POC1A: variants seen among roughly 807,000 people sequenced by gnomAD.
POC1A encodes POC1 centriolar protein homolog A.
In POC1A, 34 loss-of-function variants were observed where a neutral mutation model predicts 47.8. The ratio of observed to expected loss-of-function variants is 0.71; its 90% CI spans 0.54 to 0.95. The LOEUF (loss-of-function observed/expected upper bound fraction) is 0.95. POC1A is among the 40% of genes least tolerant of loss of function. POC1A has a pLI of 0.00. For missense variants in POC1A, 466 were observed against 528.3 expected (o/e 0.88, Z 1.16); for synonymous variants, 177 against 207.6 (o/e 0.85, Z 1.27).
At chr3:52,101,012 A>C (rs1702982420) in intron 9 of POC1A, among the ~76,000 whole-genome samples, 1 of 150,756 alleles carries the variant, frequency 6.6e-6, no homozygotes, top group African/African-American at 2.5e-5. Context: ...AGAATGTCTC[A>C]CTTTTGAGAC....
At chr3:52,106,204 A>G (rs1404282338) in intron 9 of POC1A, among the ~76,000 whole-genome samples, 5 of 146,362 alleles carry the variant, frequency 3.4e-5, no homozygotes, top group Non-Finnish European at 7.6e-5. Context: ...AAAAAAAAAG[A>G]AAGTTCAGAG....
intron 9 of POC1A, among the ~76,000 whole-genome samples, chr3:52,098,231 G>A (rs1364544583): frequency 2.6e-5 from 4 of 152,168 alleles, no homozygotes. Context: ...CCCTAGCAGT[G>A]CAGACACACA....
At chr3:52,094,487 A>G (rs1337073705) in intron 10 of POC1A, among the ~76,000 whole-genome samples, 41 of 152,264 alleles carry the variant, frequency 2.7e-4, no homozygotes, top group Admixed American at 2.7e-3. Context: ...GGAACATCTC[A>G]GCTAGAGAAA....
chr3:52,106,233 C>T (rs1703180915), intron 9 of POC1A, among the ~76,000 whole-genome samples: 1 of 150,812 alleles, frequency 6.6e-6, no homozygotes. Context: ...CCTGGAGGTC[C>T]ACAGTCCACA....
chr3:52,146,946 G>A (rs1698383906), intron 5 of POC1A, 42 bp downstream of exon 5: 1 of 1,518,980 alleles, frequency 6.6e-7, no homozygotes, highest in Admixed American at 1.7e-5. Flanking sequence ...TGTGCTCTGT[G>A]CTTGAGCGCC....
intron 10 of POC1A, among the ~76,000 whole-genome samples, chr3:52,096,297 T>C (rs1266160753): frequency 2.6e-5 from 4 of 152,188 alleles, no homozygotes; most frequent in Non-Finnish European, 5.9e-5. Flanking sequence ...CTTTCAAAGC[T>C]CTTCAGTGGC....
chr3:52,095,138 G>A (rs1366236373), intron 10 of POC1A, among the ~76,000 whole-genome samples: 1 of 152,200 alleles, frequency 6.6e-6, no homozygotes, highest in African/African-American at 2.4e-5. Flanking sequence ...GCGAGGCTGT[G>A]AAAAACATGA....
intron 9 of POC1A, among the ~76,000 whole-genome samples, chr3:52,113,697 G>A (rs768260767): frequency 6.6e-6 from 1 of 152,124 alleles, no homozygotes; most frequent in East Asian, 1.9e-4. Flanking sequence ...GAGAGACTCC[G>A]TCTCAAAAAA....
intron 7 of POC1A, among the ~76,000 whole-genome samples, chr3:52,129,602 C>A (rs1056460265): frequency 1.3e-5 from 2 of 152,232 alleles, no homozygotes; most frequent in African/African-American, 2.4e-5. Flanking sequence ...GAGGTACCCA[C>A]CTGTGGGAAG....
intron 10 of POC1A, among the ~76,000 whole-genome samples, chr3:52,078,125 C>T (rs1320203970): frequency 8.5e-5 from 13 of 152,146 alleles, no homozygotes; most frequent in Admixed American, 8.5e-4. Context: ...GGCAGTTTCT[C>T]CCCCTCCAGC....
chr3:52,150,026 C>T (rs749273347), intron 2 of POC1A, 39 bp from the exon 3 acceptor site: 12 of 1,573,498 alleles, frequency 7.6e-6, no homozygotes, highest in Non-Finnish European at 1.0e-5. Flanking sequence ...ACAGCTCTAA[C>T]AGGCTTCAAG....
chr3:52,094,547 A>G (rs1702745826), intron 10 of POC1A, among the ~76,000 whole-genome samples: 1 of 152,272 alleles, frequency 6.6e-6, no homozygotes, highest in Non-Finnish European at 1.5e-5. Context: ...CCAACAGTCA[A>G]GCCCAAGGAG....
intron 1 of POC1A, 81 bp downstream of exon 1, chr3:52,154,274 C>T: frequency 7.1e-7 from 1 of 1,417,498 alleles, no homozygotes; most frequent in South Asian, 1.2e-5. Context: ...CCGCCCCTCG[C>T]AGCCATCGCT....
intron 5 of POC1A, 58 bp downstream of exon 5, chr3:52,146,930 C>G: frequency 7.1e-7 from 1 of 1,403,440 alleles, no homozygotes; most frequent in Non-Finnish European, 1.0e-6. Flanking sequence ...TCCTCATGCC[C>G]AGGTCTGTGC....
chr3:52,110,873 A>G (rs1268614743), intron 9 of POC1A, among the ~76,000 whole-genome samples: 1 of 152,258 alleles, frequency 6.6e-6, no homozygotes, highest in Non-Finnish European at 1.5e-5. Context: ...CCTAAGCCCA[A>G]GCTTTGGCTG....
rs541360472 is a variant in POC1A at position 52,119,360 on chromosome 3, C to T, written c.981+3019G>A. 1.1e-4 allele frequency among the ~76,000 whole-genome samples: 16 copies of T among 152,214 alleles called. No homozygotes were observed. In the South Asian group the frequency reaches 3.3e-3, roughly 32 times the overall value. On this transcript the variant is annotated intron_variant, in intron 9 of 10. Coordinates refer to ENST00000296484, the MANE Select transcript of POC1A (RefSeq NM_015426.5). ...TGATTCTAAGCTGGGGACAATTCTG[C>T]CCACCAGAGGGACATTTGGCAGCAT... is the stretch of plus-strand genomic sequence containing the variant.
At chr3:52,101,512 C>T (rs912877910) in intron 9 of POC1A, among the ~76,000 whole-genome samples, 1 of 152,094 alleles carries the variant, frequency 6.6e-6, no homozygotes, top group Non-Finnish European at 1.5e-5. Context: ...ATGGTAAAGG[C>T]TCTACTGAAT....
chr3:52,113,541 A>G lies in POC1A; in HGVS notation c.981+8838T>C, dbSNP rs543801509. Among the ~76,000 whole-genome samples, 3 of 152,308 alleles carry G rather than the reference A, an allele frequency of 2.0e-5. No individual in the cohort carries two copies. In the South Asian group the frequency reaches 6.2e-4, roughly 32 times the overall value. The stretch of plus-strand genomic sequence containing the variant: ...AACATGGTGAAACACTGTCTCTACT[A>G]AAAATACAAAAGTTCGCCGGTGTGG... On this transcript the variant is annotated intron_variant, in intron 9 of 10. Transcript: ENST00000296484.
intron 10 of POC1A, among the ~76,000 whole-genome samples, chr3:52,078,403 T>G (rs755071614): frequency 4.6e-5 from 7 of 152,062 alleles, no homozygotes; most frequent in Non-Finnish European, 7.4e-5. Flanking sequence ...TCTTAAAAAT[T>G]TTTATATTTT....
Sources: allele counts gnomAD v4.1 joint callset (sites outside exome capture counted in the v4.1 genomes callset), GRCh38; gene constraint gnomAD v4.1.1; transcripts MANE v1.5; gene names NCBI Gene and HGNC (gene_info 2026-07-23, HGNC 2026-07-21).